The following N4BP2 variants were observed in gnomAD, a reference collection of about 807,000 sequenced individuals.
N4BP2 encodes NEDD4-binding protein 2.
N4BP2 carries 91 observed loss-of-function variants against 152.8 expected under a neutral mutation model. The ratio of observed to expected loss-of-function variants is 0.60; its 90% confidence interval spans 0.50 to 0.71. N4BP2 has a LOEUF of 0.71. Among genes scored for constraint, N4BP2 ranks in the 30% least tolerant of loss-of-function variants. The pLI, the probability that N4BP2 is intolerant of heterozygous loss-of-function variation, is 0.00. For missense variants in N4BP2, 1,923 were observed against 2,059.1 expected (o/e 0.93, Z 1.28); for synonymous variants, 646 against 705.3 (o/e 0.92, Z 1.33).
chr4:40,143,062 C>T (rs1019950960), intron 15 of N4BP2, among the ~76,000 whole-genome samples: 1 of 152,108 alleles, frequency 6.6e-6, no homozygotes, highest in Non-Finnish European at 1.5e-5. Flanking sequence ...TTGAAATGCT[C>T]AGTTTCTGTG....
the N4BP2 span, among the ~76,000 whole-genome samples, chr4:40,184,573 C>T: frequency 1.3e-5 from 2 of 152,086 alleles, no homozygotes; most frequent in Admixed American, 6.6e-5. Flanking sequence ...AAAAAATTAT[C>T]TCCAATTTTA....
chr4:40,157,531 A>G lies in N4BP2; in HGVS notation c.*3294A>G, dbSNP rs1052633104. The G allele has an allele frequency of 6.6e-6, 1 of 152,168 alleles. No individual in the cohort carries two copies. Among genetic ancestry groups the G allele is most frequent in the Non-Finnish European group, 1.5e-5 (1 of 67,994 alleles). 9.4% of individuals were successfully genotyped at this position (152,168 alleles called of 1,614,324 possible). A position where few individuals can be genotyped will look rare whatever the true frequency, so the allele number is the denominator to read the frequency against. ...TGGAAATTGGAAACTTTGGAAACTC[A>G]GGAAATTGCTCTGACAATGTTTTAA... is the stretch of plus-strand genomic sequence containing the variant. On this transcript the variant is annotated 3_prime_UTR_variant, in exon 18 of 18. Coordinates refer to ENST00000261435, the MANE Select transcript of N4BP2 (RefSeq NM_018177.6).
intron 11 of N4BP2, among the ~76,000 whole-genome samples, 155 bp from the exon 12 acceptor site, chr4:40,125,979 A>G (rs887152544): frequency 2.0e-5 from 3 of 152,170 alleles, no homozygotes; most frequent in Admixed American, 2.0e-4. Flanking sequence ...CGATGACGTG[A>G]AGATGTATTT....
Position 40,134,424 on chromosome 4 carries a change from G to A in N4BP2, c.4646+2505G>A, listed in dbSNP as rs191962433. ...GGATGGTCAGTGATTGGTCAGCCAGGGCCCTCATGTTAGGTGGCTGATTGC... is the reference window on the plus strand; with the variant it reads ...GGATGGTCAGTGATTGGTCAGCCAGAGCCCTCATGTTAGGTGGCTGATTGC... On this transcript the variant is annotated intron_variant, in intron 13 of 17. Coordinates refer to ENST00000261435, the MANE Select transcript of N4BP2 (RefSeq NM_018177.6). Among the ~76,000 whole-genome samples, 899 of 152,252 alleles carry A rather than the reference G, an allele frequency of 5.9e-3. 4 individuals are homozygous for A. The highest frequency in any genetic ancestry group is 0.02 in the Middle Eastern group (6 of 294).
At chr4:40,057,318 A>G (rs1177183023) in intron 1 of N4BP2, 1 of 152,402 alleles carries the variant, frequency 6.6e-6, no homozygotes, top group African/African-American at 2.4e-5. Context: ...TTGGCCTCCG[A>G]GTGCCTGGCG....
intron 2 of N4BP2, among the ~76,000 whole-genome samples, chr4:40,079,049 G>A (rs1713082205): frequency 6.6e-6 from 1 of 152,004 alleles, no homozygotes; most frequent in Non-Finnish European, 1.5e-5. Flanking sequence ...AGCCTCCTGA[G>A]TAGTTGGGAT....
chr4:40,098,300 G>A (rs570150344), intron 3 of N4BP2, among the ~76,000 whole-genome samples: 2 of 152,268 alleles, frequency 1.3e-5, no homozygotes, highest in South Asian at 4.1e-4. Flanking sequence ...ATCTCCCTGA[G>A]TCTCAGTTTT....
rs1015275392 is a variant in N4BP2 at position 40,120,585 on chromosome 4, A to T, written c.2474A>T (p.His825Leu). 1 of 1,614,198 alleles carries T rather than the reference A, an allele frequency of 6.2e-7. No homozygotes were observed. The highest frequency in any genetic ancestry group is 8.5e-7 in the Non-Finnish European group (1 of 1,180,036). ...AAAAAGTATAATTACCCTCAGTCAC[A>T]CAAATTAGTTAACAGTGTATCTGTG... ...SDKKYNYPQS[H>L]KLVNSVSVNT... The change falls in exon 9 of 18, where the codon CAC becomes CTC. Residue 825 changes from histidine to leucine, a missense_variant. Coordinates refer to ENST00000261435, the MANE Select transcript of N4BP2 (RefSeq NM_018177.6).
rs571500209 is a variant in N4BP2, at chr4:40,138,504, C to T, written c.4785+1422C>T. Among the ~76,000 whole-genome samples the T allele has an allele frequency of 2.3e-4, 35 of 152,278 alleles. No individual in the cohort carries two copies. In the South Asian group the frequency reaches 6.4e-3, roughly 28 times the overall value. On this transcript the variant is annotated intron_variant, in intron 14 of 17. Coordinates refer to ENST00000261435, the MANE Select transcript of N4BP2 (RefSeq NM_018177.6). ...CAAATCCAATGTCATGAACTTTCCT[C>T]CTGTATTTTCTGTAGGAGTCTTATA...
chr4:40,148,423 C>T (rs1027760984), intron 16 of N4BP2, among the ~76,000 whole-genome samples: 1 of 140,970 alleles, frequency 7.1e-6, no homozygotes, highest in Admixed American at 7.6e-5. Flanking sequence ...TTCGGCTCGG[C>T]ATCAGAGGGA....
At position 40,124,222 on chromosome 4, in the gene N4BP2, T is replaced by C; in HGVS notation, c.4330+17T>C. 6.3e-7 allele frequency: 1 copy of C among 1,586,520 alleles called. No individual in the cohort carries two copies. The highest frequency in any genetic ancestry group is 8.6e-7 in the Non-Finnish European group (1 of 1,159,260). On this transcript the variant is annotated intron_variant, in intron 11 of 17. Transcript: ENST00000261435. The stretch of plus-strand genomic sequence containing the variant: ...TTATGCAAGGTAAAGCACATGTTTT[T>C]ATTTCTAATGTCTTAATGTTGAAAT...
chr4:40,119,998 T>C lies in N4BP2; in HGVS notation c.1887T>C (p.His629=). 1 of 1,563,542 alleles carries C rather than the reference T, an allele frequency of 6.4e-7. No homozygotes were observed. The highest frequency in any genetic ancestry group is 8.8e-7 in the Non-Finnish European group (1 of 1,142,354). Residue 629 remains histidine, a synonymous_variant, in exon 9 of 18, where the codon CAT becomes CAC. Coordinates refer to ENST00000261435, the MANE Select transcript of N4BP2 (RefSeq NM_018177.6). The part of the protein sequence containing the change: ...EENILSLSLK[H]LEFTEEKNLD... ...ATATTTTATCTTTATCTTTGAAGCA[T>C]CTAGAGTTCACTGAAGAGAAGAATC...
the N4BP2 span, among the ~76,000 whole-genome samples, chr4:40,183,058 C>T: frequency 6.6e-6 from 1 of 152,252 alleles, no homozygotes; most frequent in African/African-American, 2.4e-5. Context: ...AACCATGTTA[C>T]CCTAAGACAA....
In N4BP2 at chr4:40,131,959, G is replaced by A. The variant is rs776274935; in HGVS notation, c.4646+40G>A. On this transcript the variant is annotated intron_variant, in intron 13 of 17. Coordinates refer to ENST00000261435, the MANE Select transcript of N4BP2 (RefSeq NM_018177.6). Reference sequence around the variant, plus strand: ...GATTGTCTGTAGTTTCTACTCTGATGTCACTGAAAGCATATGCCATGTTTA... The same window carrying A: ...GATTGTCTGTAGTTTCTACTCTGATATCACTGAAAGCATATGCCATGTTTA... 25 of 1,179,288 alleles carry A rather than the reference G, an allele frequency of 2.1e-5. No individual in the cohort carries two copies. The South Asian group carries it at 3.0e-4, about 14-fold the overall frequency. The allele number at this position is 1,179,288 out of a possible 1,614,324, so 73.1% of individuals were successfully genotyped here. A position where few individuals can be genotyped will look rare whatever the true frequency, so the allele number is the denominator to read the frequency against.
rs766123778 is a variant in N4BP2 at position 40,120,632 on chromosome 4, C to T, written c.2521C>T (p.Arg841Ter). Residue 841 changes from arginine (R) to a stop codon, truncating the protein, a stop_gained, in exon 9 of 18, where the codon CGA becomes TGA. Transcript: ENST00000261435. LOFTEE classifies it high-confidence loss of function. ...VSVNTDCVQQ[R>*]GSPHESVEDG... ...TGTGAATACAGATTGTGTCCAGCAA[C>T]GAGGATCTCCACATGAAAGTGTAGA... The T allele has an allele frequency of 9.3e-6, 15 of 1,614,000 alleles. No individual in the cohort carries two copies. The highest frequency in any genetic ancestry group is 1.7e-5 in the Admixed American group (1 of 59,984).
chr4:40,062,952 G>A (rs1462109012), intron 1 of N4BP2, among the ~76,000 whole-genome samples: 1 of 152,116 alleles, frequency 6.6e-6, no homozygotes, highest in African/African-American at 2.4e-5. Context: ...ACCACATAGC[G>A]GTAAATGGAC....
chr4:40,179,500 T>C, the N4BP2 span, among the ~76,000 whole-genome samples: 1 of 152,238 alleles, frequency 6.6e-6, no homozygotes, highest in African/African-American at 2.4e-5. Context: ...TGGTATGTAC[T>C]AATTCATTTA....
chr4:40,111,669 G>A (rs150644562), intron 5 of N4BP2, among the ~76,000 whole-genome samples: 1,601 of 152,034 alleles, frequency 0.011, 26 homozygotes, highest in African/African-American at 0.036. Flanking sequence ...AGGCTGGAGT[G>A]CAGTGGCCTG....
intron 16 of N4BP2, among the ~76,000 whole-genome samples, chr4:40,147,641 C>A (rs1407375066): frequency 6.7e-6 from 1 of 149,946 alleles, no homozygotes. Flanking sequence ...GGGCTGACCC[C>A]CCACCTCCCT....
Sources: gnomAD v4.1 joint callset for allele counts (sites outside exome capture counted in the v4.1 genomes callset) on GRCh38, gnomAD v4.1.1 for gene constraint, MANE v1.5 for transcripts, NCBI Gene and HGNC (gene_info 2026-07-23, HGNC 2026-07-21) for gene names.